The following SLCO5A1 variants were observed in gnomAD, a reference collection of about 807,000 sequenced individuals.
SLCO5A1 encodes the protein organic anion transporter polypeptide-related protein 4.
Under a neutral mutation model 65.1 loss-of-function variants are expected in SLCO5A1, and 39 were observed. The ratio of observed to expected loss-of-function variants is 0.60; its 90% confidence interval spans 0.46 to 0.78. SLCO5A1 has a LOEUF of 0.78. Among genes scored for constraint, SLCO5A1 ranks in the 30% least tolerant of loss-of-function variants. The probability of loss-of-function intolerance (pLI) is 0.00; values close to 1 mark genes in which losing one functional copy is unlikely to be tolerated. For missense variants in SLCO5A1, 1,029 were observed against 1,069.4 expected, an observed-to-expected ratio of 0.96 and a Z score of 0.53; for synonymous variants, 438 against 415.7, an observed-to-expected ratio of 1.05 and a Z score of -0.65.
rs113782987 is a variant in SLCO5A1 at position 69,792,985 on chromosome 8, G to T, written c.908-31110C>A. Among the ~76,000 whole-genome samples the T allele has an allele frequency of 6.8e-3, 1,024 of 151,244 alleles. 5 individuals are homozygous for T. The highest frequency in any genetic ancestry group is 0.011 in the Non-Finnish European group (775 of 67,752). ...TTGTTGTTTGGTTTTTTTGTTTTTTGTTTTTTGTTTTGAGACGGAATCTCA... is the reference window on the plus strand; with the variant it reads ...TTGTTGTTTGGTTTTTTTGTTTTTTTTTTTTTGTTTTGAGACGGAATCTCA... On this transcript the variant is annotated intron_variant, in intron 2 of 9. Transcript: ENST00000260126.
At chr8:69,828,495 G>A (rs1010590167) in intron 2 of SLCO5A1, among the ~76,000 whole-genome samples, 3 of 151,850 alleles carry the variant, frequency 2.0e-5, no homozygotes, top group Non-Finnish European at 4.4e-5. Flanking sequence ...CCAGCTACTC[G>A]GGAGGCTGAG....
chr8:69,768,614 T>C (rs1219304391), intron 2 of SLCO5A1, among the ~76,000 whole-genome samples: 1 of 152,120 alleles, frequency 6.6e-6, no homozygotes, highest in Non-Finnish European at 1.5e-5. Context: ...GGCTACCTTC[T>C]TGCTGCGTCC....
chr8:69,676,660 C>T lies in SLCO5A1; in HGVS notation c.2038G>A (p.Glu680Lys). 6.2e-7 allele frequency: 1 copy of T among 1,612,114 alleles called. No individual in the cohort carries two copies. The highest frequency in any genetic ancestry group is 8.5e-7 in the Non-Finnish European group (1 of 1,179,082). The change falls in exon 9 of 10, where the codon GAG becomes AAG. Residue 680 changes from glutamate (E) to lysine (K), a missense_variant. Coordinates refer to ENST00000260126, the MANE Select transcript of SLCO5A1 (RefSeq NM_030958.3). ...IIVTLRSVED[E>K]ERPFALGMQF... The stretch of plus-strand genomic sequence containing the variant: ...ATTCCCAGTGCAAAAGGTCTCTCCT[C>T]ATCTTCTACGGACCTACAGTGAAGG...
At position 69,669,762 on chromosome 8, in the gene SLCO5A1, G is replaced by A. The variant is rs1586663234; in HGVS notation, c.*3107C>T. 1 of 151,544 alleles carries A rather than the reference G, an allele frequency of 6.6e-6. No homozygotes were observed. Among genetic ancestry groups the A allele is most frequent in the Non-Finnish European group, 1.5e-5 (1 of 68,032 alleles). 9.4% of individuals were successfully genotyped at this position (151,544 alleles called of 1,614,324 possible). ...ACCCAGGAAGCGGAGGTTGCAGTGA[G>A]CTGAGATTAAGCCACTGCACTCCAG... On this transcript the variant is annotated 3_prime_UTR_variant, in exon 10 of 10. Transcript: ENST00000260126.
At chr8:69,747,659 G>A (rs990972205) in intron 4 of SLCO5A1, among the ~76,000 whole-genome samples, 1 of 152,152 alleles carries the variant, frequency 6.6e-6, no homozygotes, top group East Asian at 1.9e-4. Flanking sequence ...CCACCAAGGA[G>A]TTCTGGAACC....
At position 69,761,002 on chromosome 8, in the gene SLCO5A1, C is replaced by T. The variant is rs185650548; in HGVS notation, c.1040+741G>A. 2.1e-3 allele frequency among the ~76,000 whole-genome samples: 320 copies of T among 152,214 alleles called. 1 individual carries two copies. Among genetic ancestry groups the T allele is most frequent in the African/African-American group, 7.2e-3 (299 of 41,530 alleles). ...CAGTGGGAGAGGGTTGTAAAGCAGA[C>T]ACCAAATACAATAAGAAAGTGAAAA... On this transcript the variant is annotated intron_variant, in intron 3 of 9. Transcript: ENST00000260126.
In SLCO5A1 at chr8:69,832,201, C is replaced by T; in HGVS notation, c.473G>A (p.Arg158Lys). The part of the protein sequence containing the change: ...YLSSVITTIE[R>K]RYSLKSSESG... ...CTCGGAACTCTTCAGACTGTAGCGC[C>T]TTTCAATGGTGGTAATTACGCTGCT... Residue 158 changes from arginine to lysine, a missense_variant, in exon 2 of 10, where the codon AGG becomes AAG. Physicochemically the swap from Arg to Lys is conservative, Grantham distance 26 (BLOSUM62 2). This residue lies in a region of SLCO5A1 where 647 missense variants were observed against 647.5 expected (regional missense o/e 1.00). Coordinates refer to ENST00000260126, the MANE Select transcript of SLCO5A1 (RefSeq NM_030958.3). This position sits in a 1 kb window ranked among gnomAD's most constrained non-coding sequence, Gnocchi z 4.5. The T allele has an allele frequency of 2.5e-6, 4 of 1,614,228 alleles. No individual in the cohort carries two copies. The highest frequency in any genetic ancestry group is 3.4e-6 in the Non-Finnish European group (4 of 1,180,048).
intron 6 of SLCO5A1, among the ~76,000 whole-genome samples, chr8:69,694,127 G>A (rs572548371): frequency 6.6e-6 from 1 of 152,304 alleles, no homozygotes; most frequent in Non-Finnish European, 1.5e-5. Context: ...CAGCAAGAAG[G>A]TTGTGTGTGC....
intron 2 of SLCO5A1, among the ~76,000 whole-genome samples, chr8:69,776,008 T>C (rs1418701305): frequency 6.6e-6 from 1 of 151,218 alleles, no homozygotes; most frequent in Non-Finnish European, 1.5e-5. Context: ...AGACCCTGTC[T>C]CAAAAAAAGA....
chr8:69,746,999 T>A (rs933606907), intron 4 of SLCO5A1, among the ~76,000 whole-genome samples: 2 of 152,102 alleles, frequency 1.3e-5, no homozygotes, highest in Non-Finnish European at 2.9e-5. Flanking sequence ...ACCAGACAAC[T>A]GGAGATCATC....
intron 2 of SLCO5A1, among the ~76,000 whole-genome samples, chr8:69,799,976 T>C (rs936442816): frequency 1.3e-5 from 2 of 152,228 alleles, no homozygotes; most frequent in African/African-American, 2.4e-5. Context: ...AATTAGATAA[T>C]AATTTCCTGA....
At chr8:69,711,741 G>A (rs535734023) in intron 5 of SLCO5A1, among the ~76,000 whole-genome samples, 1 of 152,340 alleles carries the variant, frequency 6.6e-6, no homozygotes. Context: ...TCTCCTCTCT[G>A]AAATGTGGAT....
intron 5 of SLCO5A1, among the ~76,000 whole-genome samples, chr8:69,737,795 A>G (rs1202299504): frequency 6.6e-6 from 1 of 152,200 alleles, no homozygotes; most frequent in Non-Finnish European, 1.5e-5. Context: ...TGAGAACCAT[A>G]GAAATATAAA....
At chr8:69,686,060 T>C (rs564113429) in intron 6 of SLCO5A1, among the ~76,000 whole-genome samples, 1 of 142,810 alleles carries the variant, frequency 7.0e-6, no homozygotes, top group African/African-American at 3.0e-5. Context: ...CATCTAAACA[T>C]ACTTCTACTA....
intron 5 of SLCO5A1, among the ~76,000 whole-genome samples, chr8:69,724,795 G>C (rs367568994): frequency 3.9e-5 from 6 of 152,164 alleles, no homozygotes; most frequent in African/African-American, 1.4e-4. Context: ...AGCATCTCTG[G>C]GGAAATAAGA....
At chr8:69,675,571 GA>G (rs1440127571) in intron 9 of SLCO5A1, among the ~76,000 whole-genome samples, 2 of 151,888 alleles carry the variant, frequency 1.3e-5, no homozygotes, top group African/African-American at 2.4e-5. Context: ...TATTAGTACT[GA>G]AAAAAACAAG....
intron 2 of SLCO5A1, 115 bp from the exon 3 acceptor site, chr8:69,761,990 A>G (rs1040847996): frequency 2.7e-5 from 34 of 1,275,386 alleles, no homozygotes; most frequent in Non-Finnish European, 3.5e-5. Context: ...GTTAACTTCC[A>G]AAAACGGAGA....
intron 1 of SLCO5A1, among the ~76,000 whole-genome samples, chr8:69,834,442 G>C (rs1821328235): frequency 6.6e-6 from 1 of 152,216 alleles, no homozygotes. Flanking sequence ...GGCTGTGCTG[G>C]GCCAAACCCG....
intron 4 of SLCO5A1, among the ~76,000 whole-genome samples, chr8:69,750,202 G>T (rs1817231367): frequency 6.6e-6 from 1 of 152,140 alleles, no homozygotes; most frequent in Non-Finnish European, 1.5e-5. Flanking sequence ...CAAAGGATTG[G>T]CATTTTAACA....
Sources: gnomAD v4.1 joint callset for allele counts (sites outside exome capture counted in the v4.1 genomes callset) on GRCh38, gnomAD v4.1.1 for gene constraint, gnomAD v4.1.1 regional missense constraint, Gnocchi (gnomAD v3.1) non-coding constraint, MANE v1.5 for transcripts, NCBI Gene and HGNC (gene_info 2026-07-23, HGNC 2026-07-21) for gene names.